PTPRA: variants seen among roughly 807,000 people sequenced by gnomAD.
PTPRA encodes the protein protein tyrosine phosphatase receptor type A, also known as receptor-type tyrosine-protein phosphatase alpha.
PTPRA carries 25 observed loss-of-function variants against 104.8 expected under a neutral mutation model. That is an observed-to-expected ratio of 0.24 (90% confidence interval 0.17 to 0.33). The LOEUF is 0.33. PTPRA is among the 10% of genes least tolerant of loss of function. PTPRA has a pLI of 1.00. For synonymous variants in PTPRA, 323 were observed against 368.9 expected (o/e 0.88, Z 1.43); for missense variants, 765 against 1,015.3 (o/e 0.75, Z 3.35).
chr20:3,019,130 C>T (rs1473251831), intron 13 of PTPRA, among the ~76,000 whole-genome samples: 7 of 142,780 alleles, frequency 4.9e-5, no homozygotes, highest in African/African-American at 1.3e-4. Flanking sequence ...ACCTCCTGGA[C>T]GGGGCGGCTG....
chr20:3,019,837 C>G (rs1046263945), intron 13 of PTPRA, among the ~76,000 whole-genome samples: 1 of 152,054 alleles, frequency 6.6e-6, no homozygotes, highest in African/African-American at 2.4e-5. Context: ...CTCGGGAGGC[C>G]GAGGCTGGCA....
chr20:2,958,000 T>C (rs1476437359), intron 3 of PTPRA, among the ~76,000 whole-genome samples: 1 of 151,896 alleles, frequency 6.6e-6, no homozygotes, highest in Non-Finnish European at 1.5e-5. Context: ...GGGCTGACAG[T>C]TTGGGATTTT....
intron 17 of PTPRA, among the ~76,000 whole-genome samples, chr20:3,025,980 T>C (rs1379249414): frequency 2.6e-5 from 4 of 151,208 alleles, no homozygotes; most frequent in African/African-American, 9.7e-5. Context: ...AGTTTCACTC[T>C]TGTCACCCGG....
chr20:2,914,380 T>C (rs1055773103), intron 1 of PTPRA, among the ~76,000 whole-genome samples: 1 of 152,146 alleles, frequency 6.6e-6, no homozygotes, highest in Non-Finnish European at 1.5e-5. Context: ...CTAGAGCATA[T>C]ATGCATGTAT....
upstream of PTPRA, chr20:2,873,340 G>A (rs1169147979): frequency 6.6e-6 from 1 of 152,196 alleles, no homozygotes. The surrounding 1 kb of genome is among the most constrained non-coding windows in gnomAD (Gnocchi z 4.4). Flanking sequence ...CGTGCGACCG[G>A]GTTCGGCGCC....
At chr20:2,910,589 G>GTT (rs1423909050) in intron 1 of PTPRA, among the ~76,000 whole-genome samples, 2,989 of 57,844 alleles carry the variant, frequency 0.052, 207 homozygotes, top group African/African-American at 0.08. Flanking sequence ...TTTTTTTTTT[G>GTT]TTTTTTTTTT....
rs3842441 is a variant in PTPRA at position 2,945,582 on chromosome 20, G to GGTGT, written c.-49-2373_-49-2370dup. On this transcript the variant is annotated intron_variant, in intron 2 of 23. Coordinates refer to ENST00000399903, the MANE Select transcript of PTPRA (RefSeq NM_001385305.1). ...GCACGGAGCTTGATTATAATTGGCA[G>GGTGT]GTGTGTGTGTGTGTGTGTGTGTGTG... Among the ~76,000 whole-genome samples, 459 of 148,254 alleles carry GGTGT rather than the reference G, an allele frequency of 3.1e-3. 4 individuals are homozygous for GGTGT. Among genetic ancestry groups the GGTGT allele is most frequent in the African/African-American group, 7.8e-3 (313 of 40,302 alleles).
At chr20:2,985,315 G>A (rs180765487) in intron 6 of PTPRA, among the ~76,000 whole-genome samples, 9 of 152,324 alleles carry the variant, frequency 5.9e-5, no homozygotes, top group East Asian at 3.9e-4. Context: ...ACTGTGTTTC[G>A]GAAAGTCAGC....
chr20:2,910,589 G>GTTTTTTTT (rs1423909050), intron 1 of PTPRA, among the ~76,000 whole-genome samples: 1 of 57,984 alleles, frequency 1.7e-5, no homozygotes, highest in African/African-American at 7.9e-5. Context: ...TTTTTTTTTT[G>GTTTTTTTT]TTTTTTTTTT....
chr20:2,868,649 G>A (rs1025089165), upstream of PTPRA, among the ~76,000 whole-genome samples: 1 of 19,836 alleles, frequency 5.0e-5, no homozygotes, highest in Non-Finnish European at 1.1e-4. Flanking sequence ...TTTTTTTTTT[G>A]TCCCCAGTCT....
At chr20:2,965,604 A>C (rs1374249052) in intron 5 of PTPRA, among the ~76,000 whole-genome samples, 1 of 152,182 alleles carries the variant, frequency 6.6e-6, no homozygotes, top group Non-Finnish European at 1.5e-5. Context: ...ATTGATGTCC[A>C]TGACAGTTAG....
At chr20:2,869,881 C>T (rs1175890744), upstream of PTPRA, among the ~76,000 whole-genome samples, 1 of 151,856 alleles carries the variant, frequency 6.6e-6, no homozygotes, top group African/African-American at 2.4e-5. Context: ...GCAGGAGAAT[C>T]GCTTGATTGC....
chr20:3,005,178 C>T, intron 10 of PTPRA, 32 bp downstream of exon 10: 1 of 1,517,934 alleles, frequency 6.6e-7, no homozygotes, highest in Non-Finnish European at 9.1e-7. Flanking sequence ...TGGGATGTAA[C>T]CTGAAATTAC....
At chr20:3,013,398 A>T (rs1041552248) in intron 11 of PTPRA, among the ~76,000 whole-genome samples, 3 of 148,560 alleles carry the variant, frequency 2.0e-5, no homozygotes, top group Non-Finnish European at 4.4e-5. Flanking sequence ...ACTCATTTTT[A>T]GATGTCTAAG....
At chr20:2,906,612 G>C (rs2059436547) in intron 1 of PTPRA, among the ~76,000 whole-genome samples, 1 of 152,148 alleles carries the variant, frequency 6.6e-6, no homozygotes, top group Admixed American at 6.5e-5. Flanking sequence ...TCTTTTCGGA[G>C]TGATAACATT....
chr20:2,966,341 T>C (rs1163455840), intron 5 of PTPRA, among the ~76,000 whole-genome samples: 1 of 152,200 alleles, frequency 6.6e-6, no homozygotes, highest in Non-Finnish European at 1.5e-5. Context: ...GAAACAAGAA[T>C]GAGTGATAGT....
At chr20:3,020,382 G>A (rs1474443262) in intron 13 of PTPRA, among the ~76,000 whole-genome samples, 1 of 152,176 alleles carries the variant, frequency 6.6e-6, no homozygotes, top group Non-Finnish European at 1.5e-5. Context: ...ATAGGCGTGA[G>A]CCACCACGCC....
rs570868492 is a variant in PTPRA at position 2,894,277 on chromosome 20, G to T, written c.-129+20517G>T. 1.2e-4 allele frequency among the ~76,000 whole-genome samples: 18 copies of T among 152,280 alleles called. No homozygotes were observed. In the South Asian group the frequency reaches 2.5e-3, roughly 21 times the overall value. On this transcript the variant is annotated intron_variant, in intron 1 of 23. Transcript: ENST00000399903. Reference sequence around the variant, plus strand: ...GCCTCTATAATGCCCTCAAAACTCAGCAGGTTTTGAAAATGCCTCTTCCTT... The same window carrying T: ...GCCTCTATAATGCCCTCAAAACTCATCAGGTTTTGAAAATGCCTCTTCCTT...
At chr20:2,864,989 G>A in the PTPRA span, 1 of 1,614,116 alleles carries the variant, frequency 6.2e-7, no homozygotes, top group South Asian at 1.1e-5. This position sits in a 1 kb window ranked among gnomAD's most constrained non-coding sequence, Gnocchi z 5.2. Flanking sequence ...GTATTGAGGG[G>A]CGAGTAGCAG....
Sources: gnomAD v4.1 joint callset for allele counts (sites outside exome capture counted in the v4.1 genomes callset) on GRCh38, gnomAD v4.1.1 for gene constraint, Gnocchi (gnomAD v3.1) non-coding constraint, MANE v1.5 for transcripts, NCBI Gene and HGNC (gene_info 2026-07-23, HGNC 2026-07-21) for gene names.